The following DMD variants were observed in gnomAD, a reference collection of about 807,000 sequenced individuals.
The protein encoded by DMD is dystrophin.
In DMD, 63 loss-of-function variants were observed where a neutral mutation model predicts 330.1. The observed-to-expected ratio is 0.19, with a 90% confidence interval of 0.16 to 0.24. The LOEUF is 0.24. Ranked by LOEUF, DMD falls within the 10% of genes least tolerant of loss-of-function variation. The probability of loss-of-function intolerance (pLI) is 1.00; values close to 1 mark genes in which losing one functional copy is unlikely to be tolerated. For synonymous variants in DMD, 1,223 were observed against 959.8 expected (o/e 1.27, Z -5.07); for missense variants, 3,344 against 2,684.1 (o/e 1.25, Z -5.43).
intron 1 of DMD, among the ~76,000 whole-genome samples, chrX:33,284,421 ATTC>A (rs1432684356): frequency 9.0e-6 from 1 of 110,939 alleles, no homozygotes; most frequent in Non-Finnish European, 1.9e-5. Context: ...TAGTTTCCAA[ATTC>A]TTCTTCATTA....
intron 61 of DMD, among the ~76,000 whole-genome samples, chrX:31,333,305 T>G (rs778869661): frequency 1.8e-5 from 2 of 111,074 alleles, no homozygotes; most frequent in Admixed American, 1.9e-4. Flanking sequence ...GCTTACTATT[T>G]TTTTTCCTAT....
At chrX:32,631,719 T>A (rs774021464) in intron 11 of DMD, among the ~76,000 whole-genome samples, 1 of 110,868 alleles carries the variant, frequency 9.0e-6, no homozygotes, top group East Asian at 2.9e-4. Context: ...TTTAACCAAC[T>A]GGATCTGACA....
At chrX:32,380,900 A>G (rs954847267) in intron 33 of DMD, among the ~76,000 whole-genome samples, 1 of 111,011 alleles carries the variant, frequency 9.0e-6, no homozygotes, top group Non-Finnish European at 1.9e-5. Flanking sequence ...AGGGTCTTGT[A>G]TGTCGTCATG....
chrX:33,070,035 A>G (rs2094721297), intron 1 of DMD, among the ~76,000 whole-genome samples: 1 of 111,646 alleles, frequency 9.0e-6, no homozygotes, highest in Non-Finnish European at 1.9e-5. Context: ...TACATCAACA[A>G]AAATGGAGGC....
intron 37 of DMD, among the ~76,000 whole-genome samples, chrX:32,358,614 G>C (rs2097817018): frequency 9.0e-6 from 1 of 111,511 alleles, no homozygotes; most frequent in African/African-American, 3.3e-5. Context: ...GTATTTTAAG[G>C]GGCGTATGTG....
intron 2 of DMD, among the ~76,000 whole-genome samples, chrX:32,995,903 G>A (rs1393107598): frequency 1.8e-5 from 2 of 111,750 alleles, no homozygotes; most frequent in Non-Finnish European, 3.8e-5. Context: ...TATCTAGCTC[G>A]GATTTAAATT....
At chrX:32,229,727 A>T (rs867422816) in intron 43 of DMD, among the ~76,000 whole-genome samples, 35 of 49,557 alleles carry the variant, frequency 7.1e-4, no homozygotes, top group African/African-American at 2.3e-3. Flanking sequence ...TATATATATA[A>T]AATCAAAGAG....
rs1281872465 is a variant in DMD, at chrX:32,592,570, G to A, written c.1602+3187C>T. Among the ~76,000 whole-genome samples the A allele has an allele frequency of 2.7e-5, 3 of 111,686 alleles. No individual in the cohort carries two copies. In the Admixed American group the frequency reaches 2.8e-4, roughly 11 times the overall value. On this transcript the variant is annotated intron_variant, in intron 13 of 78. Transcript: ENST00000357033. ...TTCTCTCGCTCAATGAAGCTCCTCTGCACCTTGCTCACCCTCCAGTTGTCC... is the reference window on the plus strand; with the variant it reads ...TTCTCTCGCTCAATGAAGCTCCTCTACACCTTGCTCACCCTCCAGTTGTCC...
At chrX:31,883,045 T>C (rs1303840279) in intron 47 of DMD, among the ~76,000 whole-genome samples, 1 of 111,843 alleles carries the variant, frequency 8.9e-6, no homozygotes, top group African/African-American at 3.2e-5. Context: ...TTTTTCCTAA[T>C]AGCCCCATAA....
At chrX:31,543,552 C>G (rs2073969791) in intron 55 of DMD, among the ~76,000 whole-genome samples, 1 of 112,150 alleles carries the variant, frequency 8.9e-6, no homozygotes, top group Non-Finnish European at 1.9e-5. Flanking sequence ...CATGAATTCA[C>G]CTTAGACTGT....
intron 44 of DMD, among the ~76,000 whole-genome samples, chrX:32,180,627 C>T (rs758395941): frequency 2.7e-5 from 3 of 111,152 alleles, no homozygotes; most frequent in Admixed American, 9.6e-5. Flanking sequence ...CTATAAAGAA[C>T]TGCCTGAGAC....
chrX:32,717,572 C>A (rs1180846838), intron 7 of DMD, among the ~76,000 whole-genome samples: 2 of 111,780 alleles, frequency 1.8e-5, no homozygotes, highest in African/African-American at 3.3e-5. Context: ...TAGGGCAGTG[C>A]AGAAGGGTAA....
rs1478444024 is a variant in DMD at position 32,001,482 on chromosome X, A to G, written c.6439-32968T>C. On this transcript the variant is annotated intron_variant, in intron 44 of 78. Coordinates refer to ENST00000357033, the MANE Select transcript of DMD (RefSeq NM_004006.3). ...ATTTCTAAAATTGTCTTGGGTTAACATACTGCTCAGGGAAGACGCTAGCGG... is the reference window on the plus strand; with the variant it reads ...ATTTCTAAAATTGTCTTGGGTTAACGTACTGCTCAGGGAAGACGCTAGCGG... 5.5e-5 allele frequency among the ~76,000 whole-genome samples: 6 copies of G among 110,039 alleles called. No homozygotes were observed. The East Asian group carries it at 1.7e-3, about 32-fold the overall frequency.
chrX:31,723,866 T>G (rs2085790912), intron 52 of DMD, among the ~76,000 whole-genome samples: 1 of 111,779 alleles, frequency 8.9e-6, no homozygotes, highest in South Asian at 3.7e-4. Context: ...TCTAGTTTTC[T>G]CTCAACATTT....
chrX:31,791,500 C>T (rs759869653), intron 50 of DMD, among the ~76,000 whole-genome samples: 143 of 111,099 alleles, frequency 1.3e-3, no homozygotes, highest in African/African-American at 4.6e-3. Context: ...TGTGATGATA[C>T]TGGTAGGATA....
At chrX:31,884,492 G>A (rs1022217699) in intron 47 of DMD, among the ~76,000 whole-genome samples, 1 of 111,250 alleles carries the variant, frequency 9.0e-6, no homozygotes, top group South Asian at 3.8e-4. Flanking sequence ...GATCCTGGGG[G>A]TGGGGTGATT....
chrX:32,104,790 A>T (rs2096556933), intron 44 of DMD, among the ~76,000 whole-genome samples: 1 of 111,435 alleles, frequency 9.0e-6, no homozygotes, highest in Non-Finnish European at 1.9e-5. Flanking sequence ...CCCTGAATAT[A>T]GGTGAGTTGT....
intron 13 of DMD, among the ~76,000 whole-genome samples, chrX:32,579,694 T>C (rs1485800612): frequency 8.8e-6 from 1 of 113,045 alleles, no homozygotes; most frequent in African/African-American, 3.2e-5. Context: ...CAAAAACATT[T>C]GACACTGTAA....
intron 43 of DMD, among the ~76,000 whole-genome samples, chrX:32,221,431 T>C (rs2097131588): frequency 9.0e-6 from 1 of 111,590 alleles, no homozygotes; most frequent in Non-Finnish European, 1.9e-5. Flanking sequence ...GTAATACAAA[T>C]ATTTAGTAAA....
Sources: gnomAD v4.1 joint callset for allele counts (sites outside exome capture counted in the v4.1 genomes callset) on GRCh38, gnomAD v4.1.1 for gene constraint, MANE v1.5 for transcripts, NCBI Gene and HGNC (gene_info 2026-07-23, HGNC 2026-07-21) for gene names.